Variants in BOK observed in about 807,000 individuals in gnomAD.
BOK encodes BCL2 family apoptosis regulator BOK.
A neutral mutation model predicts 18.3 loss-of-function variants in BOK; 20 were observed. That is an observed-to-expected ratio of 1.09 (90% CI 0.77 to 1.59). The LOEUF is 1.59. Among genes scored for constraint, BOK ranks in the 40% most tolerant of loss-of-function variants. BOK has a pLI of 0.00. For missense variants in BOK, 348 were observed against 307.9 expected (o/e 1.13, Z -0.97); for synonymous variants, 173 against 142.4 (o/e 1.21, Z -1.53).
rs529619645 is a variant in BOK, at chr2:241,570,109, ATCTC to A, written c.350-11_350-8del. 417 of 1,608,296 alleles carry A rather than the reference ATCTC, an allele frequency of 2.6e-4. No individual in the cohort carries two copies. In the East Asian group the frequency reaches 8.6e-3, roughly 33 times the overall value. The stretch of plus-strand genomic sequence containing the variant: ...CGGGATTCAAGTCCTGATCTTGACC[ATCTC>A]TCTCCCTGCAGGCATCACGTGGGGC... On this transcript the variant is annotated splice_polypyrimidine_tract_variant and intron_variant, in intron 3 of 4. Transcript: ENST00000318407.
At chr2:241,560,528 G>T (rs746577593) in intron 2 of BOK, among the ~76,000 whole-genome samples, 1 of 152,260 alleles carries the variant, frequency 6.6e-6, no homozygotes, top group Non-Finnish European at 1.5e-5. Context: ...ATGGGCTCTA[G>T]GTGGCCCCTG....
chr2:241,571,662 C>T (rs913878408), intron 4 of BOK, among the ~76,000 whole-genome samples: 6 of 152,186 alleles, frequency 3.9e-5, no homozygotes, highest in African/African-American at 1.2e-4. Flanking sequence ...GCCCAGTGGG[C>T]GACGACACTT....
In BOK at chr2:241,570,263, C is replaced by A; in HGVS notation, c.488C>A (p.Thr163Asn). 1 of 1,575,360 alleles carries A rather than the reference C, an allele frequency of 6.3e-7. No homozygotes were observed. Among genetic ancestry groups the A allele is most frequent in the Non-Finnish European group, 8.6e-7 (1 of 1,162,266 alleles). The change falls in exon 4 of 5, where the codon ACC becomes AAC. Residue 163 changes from threonine (T) to asparagine (N), a missense_variant. Thr to Asn is a moderately conservative substitution (Grantham distance 65, BLOSUM62 0). Transcript: ENST00000318407. ...LGEFVRKTLATWLRRRGGWTD... is the reference protein window; with the variant it reads ...LGEFVRKTLANWLRRRGGWTD... ...GAGTTCGTGCGCAAGACCCTGGCAA[C>A]CTGGCTGCGGAGACGCGGCGGATGG...
intron 3 of BOK, among the ~76,000 whole-genome samples, chr2:241,563,801 G>A (rs1036494719): frequency 4.6e-5 from 7 of 152,226 alleles, no homozygotes; most frequent in Admixed American, 1.3e-4. Context: ...TGCATCCCAC[G>A]CCACGGGGTG....
At position 241,559,581 on chromosome 2, in the gene BOK, C is replaced by T; in HGVS notation, c.98C>T (p.Ala33Val). The T allele has an allele frequency of 1.3e-6, 2 of 1,518,718 alleles. No homozygotes were observed. The highest frequency in any genetic ancestry group is 1.2e-5 in the South Asian group (1 of 81,466). The allele number at this position is 1,518,718 out of a possible 1,614,324, so 94.1% of individuals were successfully genotyped here. A position where few individuals can be genotyped will look rare whatever the true frequency, so the allele number is the denominator to read the frequency against. Reference sequence around the variant, plus strand: ...AAGGAGCTGGTGGCCCAGGCCAAGGCGCTGGGCCGGGAGTACGTGCACGCG... The same window carrying T: ...AAGGAGCTGGTGGCCCAGGCCAAGGTGCTGGGCCGGGAGTACGTGCACGCG... ...TDKELVAQAK[A>V]LGREYVHARL... Residue 33 changes from alanine to valine, a missense_variant, in exon 2 of 5, where the codon GCG becomes GTG. Transcript: ENST00000318407.
chr2:241,554,335 G>GA (rs2066436021), upstream of BOK, among the ~76,000 whole-genome samples: 2 of 152,000 alleles, frequency 1.3e-5, no homozygotes, highest in South Asian at 4.2e-4. Context: ...AAGCCTGAGG[G>GA]CTGGCTTGAA....
At chr2:241,563,178 T>G (rs902460861) in intron 3 of BOK, among the ~76,000 whole-genome samples, 21 of 152,312 alleles carry the variant, frequency 1.4e-4, no homozygotes, top group African/African-American at 4.8e-4. Context: ...CTCCCGGCTG[T>G]CCACATGCTT....
At chr2:241,556,196 A>C (rs1360459381), upstream of BOK, among the ~76,000 whole-genome samples, 1 of 152,258 alleles carries the variant, frequency 6.6e-6, no homozygotes, top group Non-Finnish European at 1.5e-5. Context: ...TAAAGAGTTC[A>C]TTAAAATGCA....
In BOK at chr2:241,562,374, A is replaced by G. The variant is rs2066539859; in HGVS notation, c.247A>G (p.Ser83Gly). The change falls in exon 3 of 5, where the codon AGC becomes GGC. Residue 83 changes from serine (S) to glycine (G), a missense_variant. Transcript: ENST00000318407. The surrounding 1 kb of genome is among the most constrained non-coding windows in gnomAD (Gnocchi z 4.5). ...CGATGAGCTGGAGATGATCCGGCCC[A>G]GCGTCTACCGCAACGTGGCGCGTCA... is the stretch of plus-strand genomic sequence containing the variant. Reference protein sequence around the residue: ...LGDELEMIRPSVYRNVARQLH... With the variant: ...LGDELEMIRPGVYRNVARQLH... 2.5e-6 allele frequency: 4 copies of G among 1,610,366 alleles called. No homozygotes were observed. The highest frequency in any genetic ancestry group is 2.5e-6 in the Non-Finnish European group (3 of 1,179,052).
At chr2:241,560,137 C>T (rs1559199990) in intron 2 of BOK, 12 of 985,302 alleles carry the variant, frequency 1.2e-5, no homozygotes, top group African/African-American at 1.7e-5. Context: ...CGAGGCCCCC[C>T]CATTGGAAAC....
At chr2:241,571,986 G>C (rs1422789998) in intron 4 of BOK, among the ~76,000 whole-genome samples, 4 of 152,194 alleles carry the variant, frequency 2.6e-5, no homozygotes, top group Non-Finnish European at 5.9e-5. Flanking sequence ...TGGATGTCTG[G>C]AGCCCCAGCG....
chr2:241,562,314 G>C lies in BOK; in HGVS notation c.221-34G>C. 6.4e-7 allele frequency: 1 copy of C among 1,560,694 alleles called. No homozygotes were observed. The highest frequency in any genetic ancestry group is 8.7e-7 in the Non-Finnish European group (1 of 1,152,770). ...GTCGTGTCCCAGGAAGCTGGGACGT[G>C]GGCTGCCTCTCACCTGCTCTTGTGA... is the stretch of plus-strand genomic sequence containing the variant. On this transcript the variant is annotated intron_variant, in intron 2 of 4. Transcript: ENST00000318407. The surrounding 1 kb of genome is among the most constrained non-coding windows in gnomAD (Gnocchi z 4.5).
At chr2:241,569,558 G>A (rs889253559) in intron 3 of BOK, among the ~76,000 whole-genome samples, 4 of 152,214 alleles carry the variant, frequency 2.6e-5, no homozygotes, top group African/African-American at 9.7e-5. Flanking sequence ...CCAGTTCTGT[G>A]CTCATAGTTC....
chr2:241,560,699 G>A (rs1418180337), intron 2 of BOK, among the ~76,000 whole-genome samples: 1 of 152,202 alleles, frequency 6.6e-6, no homozygotes, highest in Admixed American at 6.5e-5. Context: ...GAGGTCTCTG[G>A]GTGGGAGCTA....
In BOK at chr2:241,572,447, G is replaced by C. The variant is rs373866878; in HGVS notation, c.*25G>C. ...AGCTGCCCACCTGGCAGTGGCCGCA[G>C]CCTGGCCCTCTGGGCCCAACGCAGG... On this transcript the variant is annotated 3_prime_UTR_variant, in exon 5 of 5. Coordinates refer to ENST00000318407, the MANE Select transcript of BOK (RefSeq NM_032515.5). 4 of 1,587,806 alleles carry C rather than the reference G, an allele frequency of 2.5e-6. No homozygotes were observed. Among genetic ancestry groups the C allele is most frequent in the Non-Finnish European group, 3.4e-6 (4 of 1,174,298 alleles).
Position 241,572,568 on chromosome 2 carries a change from C to G in BOK, c.*146C>G. 7.8e-7 allele frequency: 1 copy of G among 1,287,156 alleles called. No homozygotes were observed. Among genetic ancestry groups the G allele is most frequent in the Non-Finnish European group, 1.0e-6 (1 of 953,088 alleles). 79.7% of individuals were successfully genotyped at this position (1,287,156 alleles called of 1,614,324 possible). On this transcript the variant is annotated 3_prime_UTR_variant, in exon 5 of 5. Coordinates refer to ENST00000318407, the MANE Select transcript of BOK (RefSeq NM_032515.5). ...CCCTAAGCCCCGTTCCTCCGCAGACCCAGGCCCTCCGGAAGGGGTGAGTGG... is the reference window on the plus strand; with the variant it reads ...CCCTAAGCCCCGTTCCTCCGCAGACGCAGGCCCTCCGGAAGGGGTGAGTGG...
rs756493282 is a variant in BOK, at chr2:241,574,122, T to C, written c.*1700T>C. On this transcript the variant is annotated 3_prime_UTR_variant, in exon 5 of 5. Coordinates refer to ENST00000318407, the MANE Select transcript of BOK (RefSeq NM_032515.5). ...GTAATAAACTTCTCCAAACGATCGT[T>C]GTCATTTTAGACAGAATGTCACTGT... The C allele has an allele frequency of 3.3e-5, 5 of 152,090 alleles. No homozygotes were observed. Among genetic ancestry groups the C allele is most frequent in the Non-Finnish European group, 7.3e-5 (5 of 68,028 alleles). 9.4% of individuals were successfully genotyped at this position (152,090 alleles called of 1,614,324 possible).
At position 241,572,510 on chromosome 2, in the gene BOK, C is replaced by A. The variant is rs1332748745; in HGVS notation, c.*88C>A. On this transcript the variant is annotated 3_prime_UTR_variant, in exon 5 of 5. Coordinates refer to ENST00000318407, the MANE Select transcript of BOK (RefSeq NM_032515.5). Reference sequence around the variant, plus strand: ...CCCGAACACATCTTCCTCCTCCCCACCCGAGCCTGGAGCACTCTAACCCTC... The same window carrying A: ...CCCGAACACATCTTCCTCCTCCCCAACCGAGCCTGGAGCACTCTAACCCTC... 2.0e-6 allele frequency: 3 copies of A among 1,505,484 alleles called. No individual in the cohort carries two copies. The highest frequency in any genetic ancestry group is 2.7e-6 in the Non-Finnish European group (3 of 1,127,194). The allele number at this position is 1,505,484 out of a possible 1,614,324, so 93.3% of individuals were successfully genotyped here.
rs765974657 is a variant in BOK, at chr2:241,559,506, C to T, written c.23C>T (p.Ser8Leu). The change falls in exon 2 of 5, where the codon TCG becomes TTG. Residue 8 changes from serine (S) to leucine (L), a missense_variant. Physicochemically the swap from Ser to Leu is moderately radical, Grantham distance 145. Transcript: ENST00000318407. MEVLRRSSVFAAEIMDAF... is the reference protein window; with the variant it reads MEVLRRSLVFAAEIMDAF... Reference sequence around the variant, plus strand: ...GCCATGGAGGTGCTGCGGCGCTCCTCGGTCTTCGCCGCCGAGATCATGGAC... The same window carrying T: ...GCCATGGAGGTGCTGCGGCGCTCCTTGGTCTTCGCCGCCGAGATCATGGAC... The T allele has an allele frequency of 2.0e-6, 3 of 1,490,004 alleles. No homozygotes were observed. The highest frequency in any genetic ancestry group is 1.7e-4 in the Middle Eastern group (1 of 5,732). 92.3% of individuals were successfully genotyped at this position (1,490,004 alleles called of 1,614,324 possible).
Sources: gnomAD v4.1 joint callset for allele counts (sites outside exome capture counted in the v4.1 genomes callset) on GRCh38, gnomAD v4.1.1 for gene constraint, Gnocchi (gnomAD v3.1) non-coding constraint, MANE v1.5 for transcripts, NCBI Gene and HGNC (gene_info 2026-07-23, HGNC 2026-07-21) for gene names.